Variants in DMD observed in about 807,000 individuals in gnomAD.
The protein encoded by DMD is mutant dystrophin.
In DMD, 63 loss-of-function variants were observed where a neutral mutation model predicts 330.1. The ratio of observed to expected loss-of-function variants is 0.19; its 90% confidence interval spans 0.16 to 0.24. The LOEUF (loss-of-function observed/expected upper bound fraction) is 0.24. Among genes scored for constraint, DMD ranks in the 10% least tolerant of loss-of-function variants. The pLI is 1.00. For missense variants in DMD, 3,344 were observed against 2,684.1 expected (o/e 1.25, Z -5.43); for synonymous variants, 1,223 against 959.8 (o/e 1.27, Z -5.07).
chrX:31,580,938 C>A (rs1603400565), intron 55 of DMD, among the ~76,000 whole-genome samples: 2 of 112,037 alleles, frequency 1.8e-5, no homozygotes, highest in Admixed American at 1.9e-4. Flanking sequence ...ACATTGTAAA[C>A]CCTCAAGAAT....
At chrX:33,191,677 G>C (rs2050657205) in intron 1 of DMD, among the ~76,000 whole-genome samples, 1 of 111,978 alleles carries the variant, frequency 8.9e-6, no homozygotes, top group African/African-American at 3.2e-5. Flanking sequence ...TCCCGCCTTG[G>C]CCTCCCAAAG....
At chrX:31,729,046 T>A (rs975668247) in intron 52 of DMD, among the ~76,000 whole-genome samples, 1 of 111,661 alleles carries the variant, frequency 9.0e-6, no homozygotes, top group Non-Finnish European at 1.9e-5. Flanking sequence ...CTCTCCCCAT[T>A]AAATGGATAG....
At chrX:31,338,535 G>A (rs2057537306) in intron 61 of DMD, among the ~76,000 whole-genome samples, 2 of 110,193 alleles carry the variant, frequency 1.8e-5, no homozygotes, top group African/African-American at 6.6e-5. Context: ...AGAGCTCCCT[G>A]TGGGATCAAG....
chrX:31,643,110 A>G (rs1262143660), intron 54 of DMD, among the ~76,000 whole-genome samples: 1 of 111,646 alleles, frequency 9.0e-6, no homozygotes, highest in East Asian at 2.8e-4. Context: ...CTTAGAGACC[A>G]TTGTTCATTT....
At chrX:32,871,143 GTT>G (rs11374044) in intron 2 of DMD, among the ~76,000 whole-genome samples, 1 of 105,719 alleles carries the variant, frequency 9.5e-6, no homozygotes, top group Non-Finnish European at 1.9e-5. Flanking sequence ...CTTTTCCCGT[GTT>G]TTTTTTCTCT....
intron 47 of DMD, among the ~76,000 whole-genome samples, chrX:31,909,813 A>T (rs1603579791): frequency 8.9e-6 from 1 of 112,607 alleles, no homozygotes; most frequent in East Asian, 2.8e-4. Flanking sequence ...AACACCTAAA[A>T]CCATATTTCA....
intron 44 of DMD, among the ~76,000 whole-genome samples, chrX:32,001,897 A>G (rs1430030893): frequency 8.9e-6 from 1 of 111,800 alleles, no homozygotes. Flanking sequence ...AATTAGGATC[A>G]TGATTTCTTG....
chrX:31,204,824 G>C (rs762426232), intron 66 of DMD, among the ~76,000 whole-genome samples: 1 of 112,110 alleles, frequency 8.9e-6, no homozygotes, highest in African/African-American at 3.2e-5. Flanking sequence ...GTTTCACCAT[G>C]ATGGCCAGGC....
chrX:31,564,999 A>T (rs980677489), intron 55 of DMD, among the ~76,000 whole-genome samples: 1 of 112,362 alleles, frequency 8.9e-6, no homozygotes, highest in African/African-American at 3.2e-5. Flanking sequence ...TAAAATAACA[A>T]ATGAGATAAA....
chrX:31,922,444 C>T (rs2094703556), intron 47 of DMD, among the ~76,000 whole-genome samples: 2 of 111,262 alleles, frequency 1.8e-5, no homozygotes, highest in Admixed American at 1.9e-4. Flanking sequence ...TCATGGGAAC[C>T]CCAACTTGAA....
intron 60 of DMD, among the ~76,000 whole-genome samples, chrX:31,405,870 T>G (rs937192960): frequency 1.3e-4 from 15 of 111,838 alleles, no homozygotes; most frequent in African/African-American, 4.9e-4. Context: ...AAGTGAAAGT[T>G]CCAATAATAG....
intron 7 of DMD, among the ~76,000 whole-genome samples, chrX:32,800,102 C>A (rs970580522): frequency 3.9e-4 from 44 of 111,883 alleles, no homozygotes; most frequent in African/African-American, 1.2e-3. Context: ...GCTTCAATCC[C>A]CCAATAATAA....
intron 56 of DMD, among the ~76,000 whole-genome samples, chrX:31,497,881 C>T (rs1433506435): frequency 7.1e-5 from 8 of 112,237 alleles, no homozygotes; most frequent in African/African-American, 9.7e-5. Flanking sequence ...TTCATAATAA[C>T]GCTACCTATA....
intron 60 of DMD, among the ~76,000 whole-genome samples, chrX:31,411,869 A>G (rs1016327810): frequency 9.1e-6 from 1 of 110,248 alleles, no homozygotes; most frequent in African/African-American, 3.3e-5. Flanking sequence ...CCTGACCTCA[A>G]GTGATCCCCC....
At chrX:32,634,783 C>A (rs982861062) in intron 11 of DMD, among the ~76,000 whole-genome samples, 1 of 111,720 alleles carries the variant, frequency 9.0e-6, no homozygotes, top group African/African-American at 3.3e-5. Flanking sequence ...TTTCCTGGAG[C>A]TGTGAGCTGT....
intron 1 of DMD, among the ~76,000 whole-genome samples, chrX:33,301,294 A>C (rs2148938304): frequency 9.0e-6 from 1 of 111,458 alleles, no homozygotes; most frequent in Admixed American, 9.6e-5. Flanking sequence ...GCACCTCTTC[A>C]AAATAGTGTG....
chrX:31,846,295 C>A (rs920206312), intron 48 of DMD, among the ~76,000 whole-genome samples: 1 of 110,946 alleles, frequency 9.0e-6, no homozygotes, highest in Non-Finnish European at 1.9e-5. Flanking sequence ...AAATTTACTA[C>A]ATGTTCCCAT....
chrX:32,284,515 T>A (rs2097432178), intron 43 of DMD, among the ~76,000 whole-genome samples: 1 of 111,944 alleles, frequency 8.9e-6, no homozygotes, highest in South Asian at 3.7e-4. Context: ...GATCACCATT[T>A]TCATCATCAA....
At chrX:31,419,135 G>A (rs2063227712) in intron 60 of DMD, among the ~76,000 whole-genome samples, 2 of 106,713 alleles carry the variant, frequency 1.9e-5, no homozygotes, top group Admixed American at 2.1e-4. Flanking sequence ...GCAGAGACAC[G>A]GTTTCACCGT....
Sources: gnomAD v4.1 joint callset for allele counts (sites outside exome capture counted in the v4.1 genomes callset) on GRCh38, gnomAD v4.1.1 for gene constraint, MANE v1.5 for transcripts, NCBI Gene and HGNC (gene_info 2026-07-23, HGNC 2026-07-21) for gene names.